Variants in SLC35F4 observed in about 807,000 individuals in gnomAD.
SLC35F4 encodes solute carrier family 35 member F4.
In SLC35F4, 24 loss-of-function variants were observed where a neutral mutation model predicts 44.2. The ratio of observed to expected loss-of-function variants is 0.54; its 90% CI spans 0.39 to 0.76. The LOEUF is 0.76. Among genes scored for constraint, SLC35F4 ranks in the 30% least tolerant of loss-of-function variants. SLC35F4 has a pLI of 0.00. For synonymous variants in SLC35F4, 238 were observed against 223.6 expected, an observed-to-expected ratio of 1.06 and a Z score of -0.57; for missense variants, 562 against 586.1, an observed-to-expected ratio of 0.96 and a Z score of 0.42.
intron 1 of SLC35F4, among the ~76,000 whole-genome samples, chr14:57,739,598 T>C (rs1242629169): frequency 6.6e-6 from 1 of 152,194 alleles, no homozygotes; most frequent in East Asian, 1.9e-4. Context: ...CCTTCCTGGA[T>C]CAAACTGCCG....
intron 1 of SLC35F4, among the ~76,000 whole-genome samples, chr14:57,759,658 T>C (rs117800935): frequency 9.8e-5 from 15 of 152,358 alleles, no homozygotes; most frequent in African/African-American, 1.4e-4. Flanking sequence ...AGTAGCAGTG[T>C]ACAAGGTTTC....
chr14:57,604,635 C>T (rs1822147447), intron 1 of SLC35F4, among the ~76,000 whole-genome samples: 1 of 152,112 alleles, frequency 6.6e-6, no homozygotes, highest in African/African-American at 2.4e-5. Context: ...CAAAAAAGAG[C>T]CCAAATAGCT....
At chr14:57,848,145 C>T (rs1462859710) in intron 1 of SLC35F4, among the ~76,000 whole-genome samples, 1 of 152,112 alleles carries the variant, frequency 6.6e-6, no homozygotes, top group East Asian at 1.9e-4. Flanking sequence ...TTTCTCAAAG[C>T]CTGGAAATTG....
At chr14:57,708,070 C>T (rs1023624266) in intron 1 of SLC35F4, among the ~76,000 whole-genome samples, 31 of 152,146 alleles carry the variant, frequency 2.0e-4, no homozygotes, top group Admixed American at 2.0e-4. Flanking sequence ...GCCTCTGGCT[C>T]CAAGAGTCTG....
At chr14:57,749,697 C>G (rs1003896374) in intron 1 of SLC35F4, among the ~76,000 whole-genome samples, 1 of 152,136 alleles carries the variant, frequency 6.6e-6, no homozygotes, top group Non-Finnish European at 1.5e-5. Flanking sequence ...CCTTTGGGGA[C>G]TTATCAAGGT....
chr14:57,614,836 G>A (rs545334981), intron 1 of SLC35F4, among the ~76,000 whole-genome samples: 9 of 152,318 alleles, frequency 5.9e-5, no homozygotes, highest in East Asian at 1.9e-4. Context: ...CTCTAAACAA[G>A]TGCATATGAG....
intron 1 of SLC35F4, among the ~76,000 whole-genome samples, chr14:57,937,569 GAAAAGAGAAAAGAAAAGAAAGAAAAGA>G: frequency 9.0e-6 from 1 of 111,264 alleles, no homozygotes; most frequent in East Asian, 2.5e-4. Context: ...GAAAAGAAAA[GAAAAGAGAAAAGAAAAGAAAGAAAAGA>G]AAAGAAAAGA....
intron 1 of SLC35F4, among the ~76,000 whole-genome samples, chr14:57,703,321 T>C (rs2075588786): frequency 6.6e-6 from 1 of 152,204 alleles, no homozygotes; most frequent in African/African-American, 2.4e-5. Flanking sequence ...ATTAAATCAG[T>C]GTCCTTTACT....
intron 1 of SLC35F4, among the ~76,000 whole-genome samples, chr14:57,878,224 C>CATAGTTTGCAAGTATT (rs1314928326): frequency 6.6e-6 from 1 of 152,044 alleles, no homozygotes; most frequent in Non-Finnish European, 1.5e-5. Context: ...TTGTTGGATG[C>CATAGTTTGCAAGTATT]ATAGTTTGCA....
chr14:57,869,963 G>A (rs1292902402), upstream of SLC35F4, among the ~76,000 whole-genome samples: 1 of 152,210 alleles, frequency 6.6e-6, no homozygotes, highest in Non-Finnish European at 1.5e-5. Flanking sequence ...GTGTCTGTAT[G>A]AGAAGACAGG....
At chr14:57,743,778 A>G (rs2076684818) in intron 1 of SLC35F4, among the ~76,000 whole-genome samples, 1 of 152,212 alleles carries the variant, frequency 6.6e-6, no homozygotes, top group African/African-American at 2.4e-5. Flanking sequence ...ACAAAAAAAC[A>G]CAATTTTAGG....
chr14:57,727,148 ATATGT>A (rs2076226076), intron 1 of SLC35F4, among the ~76,000 whole-genome samples: 3 of 81,170 alleles, frequency 3.7e-5, no homozygotes, highest in Admixed American at 2.6e-4. Context: ...ATATATATAT[ATATGT>A]ATTCTATTAG....
chr14:57,618,979 C>G (rs555331855), intron 1 of SLC35F4, among the ~76,000 whole-genome samples: 1 of 152,198 alleles, frequency 6.6e-6, no homozygotes, highest in African/African-American at 2.4e-5. Flanking sequence ...TGGGGCCACA[C>G]TGCCTCTCTA....
At chr14:57,583,008 C>T (rs1594939045) in intron 3 of SLC35F4, among the ~76,000 whole-genome samples, 1 of 152,314 alleles carries the variant, frequency 6.6e-6, no homozygotes, top group South Asian at 2.1e-4. Context: ...GTTGCACACA[C>T]AGAAACTTGT....
intron 1 of SLC35F4, among the ~76,000 whole-genome samples, chr14:57,717,070 T>C (rs1266135122): frequency 6.6e-6 from 1 of 152,192 alleles, no homozygotes; most frequent in Non-Finnish European, 1.5e-5. Context: ...AGTATTCCAT[T>C]GTGTATTTAA....
intron 1 of SLC35F4, among the ~76,000 whole-genome samples, chr14:57,643,845 C>A (rs2073363136): frequency 6.6e-6 from 1 of 152,024 alleles, no homozygotes; most frequent in African/African-American, 2.4e-5. Context: ...TCAATTCCCA[C>A]CTATGAGTGA....
chr14:57,697,754 C>A (rs2140354569), intron 1 of SLC35F4, among the ~76,000 whole-genome samples: 1 of 151,414 alleles, frequency 6.6e-6, no homozygotes, highest in African/African-American at 2.4e-5. Context: ...TGTTAAATTC[C>A]ATTGCCAGAA....
At chr14:57,944,062 T>C (rs2141074733) in intron 1 of SLC35F4, among the ~76,000 whole-genome samples, 1 of 149,510 alleles carries the variant, frequency 6.7e-6, no homozygotes, top group Admixed American at 6.6e-5. Context: ...AACCCAGTCA[T>C]TGTCCTCCAC....
At chr14:57,783,562 AG>A (rs1464342528) in intron 1 of SLC35F4, among the ~76,000 whole-genome samples, 1 of 152,194 alleles carries the variant, frequency 6.6e-6, no homozygotes, top group Non-Finnish European at 1.5e-5. Flanking sequence ...AGAAGTTTGA[AG>A]GGAAAATACA....
Sources: allele counts gnomAD v4.1 joint callset (sites outside exome capture counted in the v4.1 genomes callset), GRCh38; gene constraint gnomAD v4.1.1; transcripts MANE v1.5; gene names NCBI Gene and HGNC (gene_info 2026-07-23, HGNC 2026-07-21).